Variants in TGM7 observed in about 807,000 individuals in gnomAD.
TGM7 encodes protein-glutamine gamma-glutamyltransferase Z.
In TGM7, 74 loss-of-function variants were observed where a neutral mutation model predicts 79.5. The observed-to-expected ratio is 0.93, with a 90% CI of 0.77 to 1.13. TGM7 has a LOEUF of 1.13. Ranked by LOEUF, TGM7 falls within the 50% of genes most tolerant of loss-of-function variation. The probability of loss-of-function intolerance (pLI) is 0.00; values close to 1 mark genes in which losing one functional copy is unlikely to be tolerated. For missense variants in TGM7, 912 were observed against 905.9 expected, an observed-to-expected ratio of 1.01 and a Z score of -0.09; for synonymous variants, 354 against 362.5, an observed-to-expected ratio of 0.98 and a Z score of 0.27.
At position 43,301,258 on chromosome 15, in the gene TGM7, C is replaced by T. The variant is rs999653438; in HGVS notation, c.10+983G>A. 6.0e-5 allele frequency among the ~76,000 whole-genome samples: 9 copies of T among 151,138 alleles called. No individual in the cohort carries two copies. In the East Asian group the frequency reaches 6.1e-4, roughly 10 times the overall value. On this transcript the variant is annotated intron_variant, in intron 1 of 12. Transcript: ENST00000452443. ...TTGGCCTCCCAAAGTGCTGGGATTA[C>T]AGGCCTGTGCCACCACGCCCAGTGT...
Position 43,287,413 on chromosome 15 carries a change from G to GC in TGM7, c.731dup (p.Glu245ArgfsTer67). 1 of 1,614,040 alleles carries GC rather than the reference G, an allele frequency of 6.2e-7. No individual in the cohort carries two copies. Among genetic ancestry groups the GC allele is most frequent in the Non-Finnish European group, 8.5e-7 (1 of 1,179,998 alleles). On this transcript the variant is annotated frameshift_variant, in exon 6 of 13. Transcript: ENST00000452443. LOFTEE classifies it high-confidence loss of function. ...GACTGACCCCTTTGGAGTAGTCCTC[G>GC]CCCCAGTTCCCCTGCAGCACGCCAT...
chr15:43,301,629 C>CAAAA (rs56249665), intron 1 of TGM7, among the ~76,000 whole-genome samples: 2 of 127,184 alleles, frequency 1.6e-5, no homozygotes, highest in Admixed American at 8.0e-5. Flanking sequence ...GACTCCATCT[C>CAAAA]AAAAAAAAAA....
At position 43,282,442 on chromosome 15, in the gene TGM7, C is replaced by G. The variant is rs77376039; in HGVS notation, c.1108+75G>C. Reference sequence around the variant, plus strand: ...GTGGAAAACGCTGCTCCTCCCTGGTCTCCTGCTCCCACGGCCAGTCACCCT... The same window carrying G: ...GTGGAAAACGCTGCTCCTCCCTGGTGTCCTGCTCCCACGGCCAGTCACCCT... On this transcript the variant is annotated intron_variant, in intron 8 of 12. Transcript: ENST00000452443. The G allele has an allele frequency of 4.3e-3, 5,715 of 1,330,122 alleles. 221 individuals are homozygous for G. In the African/African-American group the frequency reaches 0.075, roughly 17 times the overall value. 82.4% of individuals were successfully genotyped at this position (1,330,122 alleles called of 1,614,324 possible). A position where few individuals can be genotyped will look rare whatever the true frequency, so the allele number is the denominator to read the frequency against.
intron 7 of TGM7, among the ~76,000 whole-genome samples, chr15:43,284,419 G>A (rs1172877026): frequency 2.0e-5 from 3 of 152,160 alleles, no homozygotes; most frequent in Admixed American, 2.0e-4. Context: ...GGCAGAGGAA[G>A]AAGTCAAGAG....
intron 6 of TGM7, among the ~76,000 whole-genome samples, chr15:43,285,752 C>T (rs961575059): frequency 2.0e-5 from 3 of 152,142 alleles, no homozygotes; most frequent in Non-Finnish European, 1.5e-5. Flanking sequence ...CCTCTTGTGG[C>T]TTCTCATGAT....
intron 4 of TGM7, among the ~76,000 whole-genome samples, chr15:43,289,062 CT>C (rs796761551): frequency 0.012 from 1,787 of 145,532 alleles, 18 homozygotes; most frequent in Middle Eastern, 0.031. Context: ...AGGTCTCTGT[CT>C]TTTTTTTTTT....
In TGM7 at chr15:43,291,143, G is replaced by A. The variant is rs145630259; in HGVS notation, c.558+836C>T. ...GAGAGGGCGTCCCTGTCTTGTGCCA[G>A]TTTTCAAAGGGAATGCTTCCAGTTT... On this transcript the variant is annotated intron_variant, in intron 4 of 12. Coordinates refer to ENST00000452443, the MANE Select transcript of TGM7 (RefSeq NM_052955.3). Among the ~76,000 whole-genome samples the A allele has an allele frequency of 3.8e-3, 574 of 152,304 alleles. 3 individuals are homozygous for A. Among genetic ancestry groups the A allele is most frequent in the African/African-American group, 0.013 (543 of 41,554 alleles).
intron 4 of TGM7, among the ~76,000 whole-genome samples, chr15:43,289,446 C>G (rs1447007398): frequency 6.6e-6 from 1 of 152,140 alleles, no homozygotes; most frequent in East Asian, 1.9e-4. Flanking sequence ...GCCACATTTT[C>G]TTAATCCAGT....
intron 1 of TGM7, among the ~76,000 whole-genome samples, chr15:43,297,495 A>G (rs28600080): frequency 7.3e-6 from 1 of 136,250 alleles, no homozygotes; most frequent in African/African-American, 3.2e-5. Context: ...AAGAGAAAGA[A>G]AAAGAAAGAA....
At position 43,284,873 on chromosome 15, in the gene TGM7, G is replaced by A. The variant is rs1239062396; in HGVS notation, c.945C>T (p.Ile315=). The A allele has an allele frequency of 3.1e-6, 5 of 1,614,002 alleles. No homozygotes were observed. The African/African-American group carries it at 5.3e-5, about 17-fold the overall frequency. ...CGGCATTTCGGTCATAGTACGTATC[G>A]ATGGTCAAGTTCCTATCCACGTTGT... is the stretch of plus-strand genomic sequence containing the variant. The part of the protein sequence containing the change: ...SAHNVDRNLT[I]DTYYDRNAEM... Residue 315 remains isoleucine (I), a synonymous_variant, in exon 7 of 13, where the codon ATC becomes ATT. Coordinates refer to ENST00000452443, the MANE Select transcript of TGM7 (RefSeq NM_052955.3).
intron 6 of TGM7, among the ~76,000 whole-genome samples, chr15:43,286,278 G>C (rs1461036075): frequency 6.6e-6 from 1 of 152,168 alleles, no homozygotes; most frequent in Non-Finnish European, 1.5e-5. Flanking sequence ...TCGAGCGCCT[G>C]GGAGTGGGGA....
At chr15:43,293,083 G>A in intron 2 of TGM7, 129 bp from the exon 3 acceptor site, 2 of 1,325,398 alleles carry the variant, frequency 1.5e-6, no homozygotes, top group Non-Finnish European at 1.0e-6. Context: ...CTGCCACCGA[G>A]TGTCCTCAGG....
chr15:43,291,748 A>G (rs2142414944), intron 4 of TGM7, among the ~76,000 whole-genome samples: 1 of 152,310 alleles, frequency 6.6e-6, no homozygotes, highest in Non-Finnish European at 1.5e-5. Flanking sequence ...TACTTTGATT[A>G]TGTTTTAAGG....
intron 6 of TGM7, among the ~76,000 whole-genome samples, chr15:43,285,218 T>G (rs997909452): frequency 6.6e-6 from 1 of 151,858 alleles, no homozygotes; most frequent in Non-Finnish European, 1.5e-5. Context: ...CATTTAGGAG[T>G]CTTTCCACTC....
Position 43,279,226 on chromosome 15 carries a change from G to A in TGM7, c.1730C>T (p.Thr577Met), listed in dbSNP as rs369585501. The stretch of plus-strand genomic sequence containing the variant: ...AGACACGCGGATGAGCTTTTCGTCC[G>A]TTAGCTTGTTTCTGTAATTGCTGTA... ...LPYSNYRNKL[T>M]DEKLIRVSGI... is the part of the protein sequence containing the mutation. Residue 577 changes from threonine to methionine, a missense_variant, in exon 11 of 13, where the codon ACG (threonine) becomes ATG (methionine). Physicochemically the swap from Thr to Met is moderately conservative, Grantham distance 81 (BLOSUM62 -1). Transcript: ENST00000452443. 2.2e-5 allele frequency: 35 copies of A among 1,613,904 alleles called. No homozygotes were observed. The highest frequency in any genetic ancestry group is 4.5e-5 in the East Asian group (2 of 44,892).
At chr15:43,298,297 T>A (rs1310986471) in intron 1 of TGM7, among the ~76,000 whole-genome samples, 1 of 151,578 alleles carries the variant, frequency 6.6e-6, no homozygotes, top group East Asian at 1.9e-4. Context: ...ATGGAGGGGA[T>A]GGGAAGGGGC....
intron 4 of TGM7, among the ~76,000 whole-genome samples, chr15:43,289,722 CTTG>C (rs1317498990): frequency 2.0e-5 from 3 of 152,150 alleles, no homozygotes; most frequent in Admixed American, 6.6e-5. Flanking sequence ...CTCTCCAGCA[CTTG>C]TTGTTTCCTG....
At chr15:43,297,639 G>GAAAGAAAGAA (rs1271830567) in intron 1 of TGM7, among the ~76,000 whole-genome samples, 2 of 138,782 alleles carry the variant, frequency 1.4e-5, no homozygotes, top group Admixed American at 7.1e-5. Flanking sequence ...GAAAGAAAAA[G>GAAAGAAAGAA]AAAGAAAGAA....
chr15:43,298,527 CG>C (rs369325298), intron 1 of TGM7, among the ~76,000 whole-genome samples: 221 of 152,270 alleles, frequency 1.5e-3, no homozygotes, highest in African/African-American at 5.2e-3. Context: ...GAGGCCGAGG[CG>C]GGCGGATCAC....
Sources: allele counts gnomAD v4.1 joint callset (sites outside exome capture counted in the v4.1 genomes callset), GRCh38; gene constraint gnomAD v4.1.1; transcripts MANE v1.5; gene names NCBI Gene and HGNC (gene_info 2026-07-23, HGNC 2026-07-21).